The following CEP83 variants were observed in gnomAD, a reference collection of about 807,000 sequenced individuals.
The protein encoded by CEP83 is centrosomal protein 83, also known as centrosomal protein of 83 kDa.
In CEP83, 70 loss-of-function variants were observed where a neutral mutation model predicts 101.9. The observed-to-expected ratio is 0.69, with a 90% CI of 0.57 to 0.84. The LOEUF is 0.84. CEP83 is among the 40% of genes least tolerant of loss of function. CEP83 has a pLI of 0.00. For missense variants in CEP83, 715 were observed against 787.2 expected, an observed-to-expected ratio of 0.91 and a Z score of 1.10; for synonymous variants, 264 against 267.9, an observed-to-expected ratio of 0.99 and a Z score of 0.14.
At chr12:94,309,879 G>A (rs540251768) in intron 16 of CEP83, 39 bp downstream of exon 16, 1 of 1,299,986 alleles carries the variant, frequency 7.7e-7, no homozygotes, top group South Asian at 2.0e-5. Context: ...CTACAAAAAT[G>A]TACGACTTTT....
At chr12:94,452,279 T>C (rs2067312869) in intron 1 of CEP83, among the ~76,000 whole-genome samples, 1 of 152,140 alleles carries the variant, frequency 6.6e-6, no homozygotes, top group Non-Finnish European at 1.5e-5. Context: ...CACAACTCTA[T>C]AAAGTTGCTA....
chr12:94,383,895 G>A (rs1300426592), intron 6 of CEP83, among the ~76,000 whole-genome samples: 1 of 151,826 alleles, frequency 6.6e-6, no homozygotes, highest in Non-Finnish European at 1.5e-5. Context: ...CTTTGTCCTT[G>A]CTCATTTATA....
At chr12:94,367,532 T>C (rs1257550587) in intron 11 of CEP83, among the ~76,000 whole-genome samples, 1 of 152,188 alleles carries the variant, frequency 6.6e-6, no homozygotes, top group Non-Finnish European at 1.5e-5. Flanking sequence ...AATTGGGTTT[T>C]AGACCAGAAG....
In CEP83 at chr12:94,427,190, C is replaced by T. The variant is rs535395241; in HGVS notation, c.-102+8085G>A. 1.1e-4 allele frequency among the ~76,000 whole-genome samples: 16 copies of T among 152,324 alleles called. No individual in the cohort carries two copies. The South Asian group carries it at 3.1e-3, about 30-fold the overall frequency. The stretch of plus-strand genomic sequence containing the variant: ...ACAGCTATCAATTATCTGCAAGACA[C>T]TTACACATACATTAGATGCTTGAAA... On this transcript the variant is annotated intron_variant, in intron 2 of 16. Coordinates refer to ENST00000397809, the MANE Select transcript of CEP83 (RefSeq NM_016122.3).
intron 4 of CEP83, among the ~76,000 whole-genome samples, chr12:94,411,140 G>A (rs1052219391): frequency 1.3e-5 from 2 of 152,138 alleles, no homozygotes; most frequent in Non-Finnish European, 2.9e-5. Context: ...TTTAAAGTCT[G>A]GCTTTGCTCA....
chr12:94,407,545 C>T (rs11107531), intron 4 of CEP83, among the ~76,000 whole-genome samples: 38,871 of 152,098 alleles, frequency 0.26, 5,081 homozygotes, highest in Admixed American at 0.3. Flanking sequence ...CACCTCACCA[C>T]TGGCCTGTGC....
chr12:94,375,628 T>C (rs954002334), intron 8 of CEP83, among the ~76,000 whole-genome samples: 1 of 152,096 alleles, frequency 6.6e-6, no homozygotes, highest in African/African-American at 2.4e-5. Context: ...ATTTGGAAGG[T>C]AGAATGATAA....
the CEP83 span, among the ~76,000 whole-genome samples, chr12:94,269,302 T>C: frequency 9.8e-4 from 149 of 152,340 alleles, no homozygotes; most frequent in African/African-American, 3.4e-3. Flanking sequence ...TTCAAGATTA[T>C]TAGAAATTCT....
chr12:94,432,514 A>G (rs1324725065), intron 2 of CEP83, among the ~76,000 whole-genome samples: 1 of 152,180 alleles, frequency 6.6e-6, no homozygotes, highest in Admixed American at 6.5e-5. Context: ...CAAATATCAC[A>G]TGTACTCATG....
downstream of CEP83, among the ~76,000 whole-genome samples, chr12:94,304,611 G>A (rs1263075237): frequency 3.9e-5 from 6 of 151,956 alleles, no homozygotes; most frequent in Non-Finnish European, 8.8e-5. Context: ...CAATCATGCT[G>A]GGACAGGCTA....
chr12:94,343,264 GA>G, intron 11 of CEP83, among the ~76,000 whole-genome samples: 1 of 151,900 alleles, frequency 6.6e-6, no homozygotes, highest in Non-Finnish European at 1.5e-5. Context: ...GCGAACTTAA[GA>G]AGACACCCAT....
the CEP83 span, chr12:94,279,931 T>C: frequency 9.1e-6 from 5 of 551,652 alleles, no homozygotes; most frequent in African/African-American, 1.9e-5. Flanking sequence ...TTGCAGGCCC[T>C]GAGACTGCAC....
intron 6 of CEP83, among the ~76,000 whole-genome samples, chr12:94,390,364 C>T (rs1161991618): frequency 6.6e-6 from 1 of 152,228 alleles, no homozygotes; most frequent in Non-Finnish European, 1.5e-5. Flanking sequence ...CAAGCTCCAA[C>T]AGACCTGCAG....
In CEP83 at chr12:94,308,717, A is replaced by G. The variant is rs1303276839; in HGVS notation, c.*96T>C. ...TTGAGGCACATTCAAGTGTTTTGGC[A>G]AACAGTAAAAAGTATCTAAATGCCA... is the stretch of plus-strand genomic sequence containing the variant. On this transcript the variant is annotated 3_prime_UTR_variant, in exon 17 of 17. Transcript: ENST00000397809. 3.8e-6 allele frequency: 3 copies of G among 797,730 alleles called. No individual in the cohort carries two copies. Among genetic ancestry groups the G allele is most frequent in the Non-Finnish European group, 6.4e-6 (3 of 467,784 alleles). The allele number at this position is 797,730 out of a possible 1,614,324, so 49.4% of individuals were successfully genotyped here.
chr12:94,279,339 C>T, the CEP83 span: 3 of 659,950 alleles, frequency 4.5e-6, no homozygotes, highest in Admixed American at 3.0e-5. Context: ...TGAAAGTAGT[C>T]TAATGCAATA....
intron 14 of CEP83, among the ~76,000 whole-genome samples, chr12:94,314,553 C>T (rs545444983): frequency 6.6e-6 from 1 of 152,246 alleles, no homozygotes; most frequent in South Asian, 2.1e-4. Context: ...TCATTCATTC[C>T]CACATATTAT....
At chr12:94,278,389 T>G in the CEP83 span, among the ~76,000 whole-genome samples, 1 of 152,246 alleles carries the variant, frequency 6.6e-6, no homozygotes, top group African/African-American at 2.4e-5. Flanking sequence ...TTAGATCTAT[T>G]TGTTCTTAGA....
At chr12:94,287,006 C>T in the CEP83 span, among the ~76,000 whole-genome samples, 1 of 152,182 alleles carries the variant, frequency 6.6e-6, no homozygotes, top group Admixed American at 6.5e-5. Flanking sequence ...CCTTGGCAAC[C>T]CCCAGCACCG....
chr12:94,301,139 A>C, the CEP83 span: 5 of 1,299,260 alleles, frequency 3.8e-6, no homozygotes, highest in East Asian at 2.3e-5. Flanking sequence ...TCAAATAATA[A>C]ACAATTGGTC....
Sources: gnomAD v4.1 joint callset for allele counts (sites outside exome capture counted in the v4.1 genomes callset) on GRCh38, gnomAD v4.1.1 for gene constraint, MANE v1.5 for transcripts, NCBI Gene and HGNC (gene_info 2026-07-23, HGNC 2026-07-21) for gene names.